The following RYR2 variants were observed in gnomAD, a reference collection of about 807,000 sequenced individuals.
RYR2 encodes cardiac muscle ryanodine receptor-calcium release channel.
In RYR2, 227 loss-of-function variants were observed where a neutral mutation model predicts 601.1. That is an observed-to-expected ratio of 0.38 (90% CI 0.34 to 0.42). The LOEUF (loss-of-function observed/expected upper bound fraction) is 0.42. RYR2 is among the 10% of genes least tolerant of loss of function. The pLI, the probability that RYR2 is intolerant of heterozygous loss-of-function variation, is 1.00. For synonymous variants in RYR2, 2,223 were observed against 2,175.1 expected (o/e 1.02, Z -0.61); for missense variants, 4,646 against 6,156.5 (o/e 0.75, Z 8.21).
intron 3 of RYR2, chr1:237,352,965 T>A: frequency 2.4e-6 from 1 of 422,314 alleles, no homozygotes; most frequent in Non-Finnish European, 4.8e-6. Flanking sequence ...GGCAAAATAA[T>A]GAACTTTCTA....
At chr1:237,285,908 TTCTC>T (rs1421407371) in intron 2 of RYR2, among the ~76,000 whole-genome samples, 2 of 152,164 alleles carry the variant, frequency 1.3e-5, no homozygotes, top group South Asian at 4.1e-4. Context: ...TATTTGGAGT[TTCTC>T]TCTTCTTTTC....
At chr1:237,197,156 G>T (rs1407338500) in intron 1 of RYR2, among the ~76,000 whole-genome samples, 1 of 152,022 alleles carries the variant, frequency 6.6e-6, no homozygotes, top group African/African-American at 2.4e-5. Flanking sequence ...ATAATTTACC[G>T]AAAGATTCCA....
At chr1:237,193,167 C>CAAAAAAAAAAAATA (rs755659700) in intron 1 of RYR2, among the ~76,000 whole-genome samples, 1 of 37,400 alleles carries the variant, frequency 2.7e-5, no homozygotes, top group Admixed American at 4.8e-4. Flanking sequence ...GCTAAAAGTA[C>CAAAAAAAAAAAATA]AAAAAAAAAA....
Position 237,783,868 on chromosome 1 carries a change from GGA to G in RYR2, c.12160_12161del (p.Ser4054ProfsTer2). On this transcript the variant is annotated frameshift_variant, in exon 90 of 105. Transcript: ENST00000366574. LOFTEE classifies it high-confidence loss of function. ...CCAAGAGGGACTTCCACAAAGCGATGGAGAGCCATAAGCACTACACGCAGTCA... is the reference window on the plus strand; with the variant it reads ...CCAAGAGGGACTTCCACAAAGCGATGGAGCCATAAGCACTACACGCAGTCA... ...ISKRDFHKAM[E>X]SHKHYTQSET... 1 of 1,613,850 alleles carries G rather than the reference GGA, an allele frequency of 6.2e-7. No individual in the cohort carries two copies. Among genetic ancestry groups the G allele is most frequent in the Non-Finnish European group, 8.5e-7 (1 of 1,179,836 alleles).
At chr1:237,043,781 C>T (rs1660224356) in intron 1 of RYR2, among the ~76,000 whole-genome samples, 1 of 152,086 alleles carries the variant, frequency 6.6e-6, no homozygotes, top group African/African-American at 2.4e-5. Flanking sequence ...AACAAAACCA[C>T]TTCCCGGTTA....
At chr1:237,297,444 G>A (rs2149441877) in intron 2 of RYR2, among the ~76,000 whole-genome samples, 1 of 152,106 alleles carries the variant, frequency 6.6e-6, no homozygotes, top group East Asian at 1.9e-4. Flanking sequence ...CCTACCCACA[G>A]GAAAGAAAAG....
At chr1:237,260,287 C>T (rs1299340988) in intron 1 of RYR2, among the ~76,000 whole-genome samples, 4 of 152,228 alleles carry the variant, frequency 2.6e-5, no homozygotes, top group South Asian at 2.1e-4. Flanking sequence ...AGCTTATTGA[C>T]GTGTGCAAGG....
intron 98 of RYR2, among the ~76,000 whole-genome samples, chr1:237,802,695 G>A (rs965745746): frequency 1.3e-5 from 2 of 152,146 alleles, no homozygotes; most frequent in African/African-American, 4.8e-5. Context: ...ATAACAAGAG[G>A]GCAACCTCAG....
At chr1:237,113,707 T>C (rs1669751664) in intron 1 of RYR2, among the ~76,000 whole-genome samples, 1 of 152,000 alleles carries the variant, frequency 6.6e-6, no homozygotes, top group Non-Finnish European at 1.5e-5. Flanking sequence ...AGAAAAGAGA[T>C]AAGAACCAGA....
intron 22 of RYR2, among the ~76,000 whole-genome samples, chr1:237,505,540 G>A (rs778622288): frequency 3.2e-4 from 48 of 152,140 alleles, no homozygotes; most frequent in Non-Finnish European, 6.2e-4. Context: ...CCAAAATTCA[G>A]TTTGCATTGC....
intron 23 of RYR2, 138 bp downstream of exon 23, chr1:237,506,952 T>A (rs907702729): frequency 1.4e-6 from 1 of 739,506 alleles, no homozygotes; most frequent in South Asian, 1.7e-5. Context: ...CATTAGTTTT[T>A]GTGCAGTTTT....
chr1:237,493,658 T>C (rs1663680795), intron 19 of RYR2, among the ~76,000 whole-genome samples: 1 of 152,114 alleles, frequency 6.6e-6, no homozygotes. Flanking sequence ...TTCACCGTGT[T>C]AGCCAGGATG....
chr1:237,245,990 C>T (rs1330919410), intron 1 of RYR2, among the ~76,000 whole-genome samples: 1 of 152,202 alleles, frequency 6.6e-6, no homozygotes, highest in Non-Finnish European at 1.5e-5. Context: ...CCATGTTGAC[C>T]TGGCTGGTCT....
chr1:237,300,114 G>C (rs898515788), intron 2 of RYR2, among the ~76,000 whole-genome samples: 7 of 152,264 alleles, frequency 4.6e-5, no homozygotes, highest in Middle Eastern at 3.4e-3. Flanking sequence ...CAAGTCACCT[G>C]ATATGAAAGA....
chr1:237,133,688 C>T (rs1029546570), intron 1 of RYR2, among the ~76,000 whole-genome samples: 3 of 152,020 alleles, frequency 2.0e-5, no homozygotes, highest in African/African-American at 7.2e-5. Context: ...GTGGCTCACA[C>T]CCGCTGACGC....
chr1:237,042,343 C>T lies in RYR2; in HGVS notation c.-179C>T. The T allele has an allele frequency of 2.4e-6, 1 of 417,996 alleles. No individual in the cohort carries two copies. Among genetic ancestry groups the T allele is most frequent in the Non-Finnish European group, 3.6e-6 (1 of 276,704 alleles). 25.9% of individuals were successfully genotyped at this position (417,996 alleles called of 1,614,324 possible). A position where few individuals can be genotyped will look rare whatever the true frequency, so the allele number is the denominator to read the frequency against. On this transcript the variant is annotated 5_prime_UTR_variant, in exon 1 of 105. Transcript: ENST00000366574. ...CGCGCCTCGACCACCCGCGCCCGAG[C>T]GTCCGCGCCTCCTCCTCCGCTCTGC...
intron 12 of RYR2, among the ~76,000 whole-genome samples, chr1:237,432,318 G>A (rs991532204): frequency 3.9e-5 from 6 of 152,018 alleles, no homozygotes; most frequent in East Asian, 1.9e-4. Flanking sequence ...AATGAGCTCC[G>A]AATCATAACT....
At chr1:237,459,433 G>A (rs917302892) in intron 16 of RYR2, among the ~76,000 whole-genome samples, 4 of 152,284 alleles carry the variant, frequency 2.6e-5, no homozygotes, top group Admixed American at 6.5e-5. Flanking sequence ...AGAATTTCAT[G>A]TATGAATGTT....
intron 1 of RYR2, among the ~76,000 whole-genome samples, chr1:237,222,244 C>T (rs1337703445): frequency 6.6e-6 from 1 of 152,024 alleles, no homozygotes; most frequent in Non-Finnish European, 1.5e-5. Context: ...GAAACCCCAT[C>T]TCTACTAAAA....
Sources: gnomAD v4.1 joint callset for allele counts (sites outside exome capture counted in the v4.1 genomes callset) on GRCh38, gnomAD v4.1.1 for gene constraint, MANE v1.5 for transcripts, NCBI Gene and HGNC (gene_info 2026-07-23, HGNC 2026-07-21) for gene names.